The following ANKRD11 variants were observed in gnomAD, a reference collection of about 807,000 sequenced individuals.
ANKRD11 encodes the protein ankyrin repeat domain-containing protein 11.
ANKRD11 carries 17 observed loss-of-function variants against 195.7 expected under a neutral mutation model. That is an observed-to-expected ratio of 0.09 (90% CI 0.06 to 0.13). The LOEUF is 0.13. Among genes scored for constraint, ANKRD11 ranks in the 10% least tolerant of loss-of-function variants. The pLI is 1.00. For missense variants in ANKRD11, 3,735 were observed against 3,566.1 expected, an observed-to-expected ratio of 1.05 and a Z score of -1.21; for synonymous variants, 1,953 against 1,528.1, an observed-to-expected ratio of 1.28 and a Z score of -6.49.
rs748633060 is a variant in ANKRD11, at chr16:89,317,006, C to T, written c.14G>A (p.Gly5Glu). MPKG[G>E]CPKAPQQEEL... Reference sequence around the variant, plus strand: ...TTCCTGCTGTGGTGCTTTAGGGCACCCACCCTTGGGCATCGTCCTGCTCCT... The same window carrying T: ...TTCCTGCTGTGGTGCTTTAGGGCACTCACCCTTGGGCATCGTCCTGCTCCT... Residue 5 changes from glycine to glutamate, a missense_variant, in exon 3 of 13, where the codon GGG becomes GAG. Transcript: ENST00000301030. The T allele has an allele frequency of 2.5e-6, 4 of 1,613,628 alleles. No homozygotes were observed. The highest frequency in any genetic ancestry group is 3.4e-6 in the Non-Finnish European group (4 of 1,179,818).
intron 1 of ANKRD11, among the ~76,000 whole-genome samples, chr16:89,462,967 C>T (rs989643217): frequency 2.0e-5 from 3 of 151,176 alleles, no homozygotes; most frequent in Non-Finnish European, 4.4e-5. Flanking sequence ...TCAGCCCCCC[C>T]GCCAGGCCAG....
chr16:89,451,859 A>G (rs1327115316), intron 1 of ANKRD11, among the ~76,000 whole-genome samples: 1 of 152,222 alleles, frequency 6.6e-6, no homozygotes, highest in Non-Finnish European at 1.5e-5. Flanking sequence ...GTATAATTGT[A>G]CTTTGGTAAT....
At chr16:89,322,845 TTTTGTTTG>T (rs142804077) in intron 2 of ANKRD11, among the ~76,000 whole-genome samples, 6 of 152,180 alleles carry the variant, frequency 3.9e-5, no homozygotes, top group Non-Finnish European at 5.9e-5. Flanking sequence ...TGAAGAGTTC[TTTTGTTTG>T]TTTGTTTGTT....
At chr16:89,427,754 G>A (rs907524161) in intron 1 of ANKRD11, among the ~76,000 whole-genome samples, 14 of 151,580 alleles carry the variant, frequency 9.2e-5, no homozygotes, top group Admixed American at 3.9e-4. Flanking sequence ...AGCTGAGATC[G>A]TGCCACTACA....
At position 89,279,255 on chromosome 16, in the gene ANKRD11, G is replaced by A. The variant is rs751753158; in HGVS notation, c.7287C>T (p.Pro2429=). The stretch of plus-strand genomic sequence containing the variant: ...AGGGGTTGGCCCTGTCGCTGTGGTA[G>A]GGCTCGATGGCATCCAGCTTGATGG... ...VDAIKLDAIE[P]YHSDRANPYF... The change falls in exon 9 of 13, where the codon CCC becomes CCT. Residue 2429 remains proline (P), a synonymous_variant. Transcript: ENST00000301030. This position sits in a 1 kb window ranked among gnomAD's most constrained non-coding sequence, Gnocchi z 5.6. 1.9e-6 allele frequency: 3 copies of A among 1,611,782 alleles called. No individual in the cohort carries two copies. Among genetic ancestry groups the A allele is most frequent in the African/African-American group, 1.3e-5 (1 of 74,972 alleles).
At chr16:89,276,089 C>A (rs1003079226) in intron 9 of ANKRD11, among the ~76,000 whole-genome samples, 1 of 152,198 alleles carries the variant, frequency 6.6e-6, no homozygotes, top group East Asian at 1.9e-4. Flanking sequence ...GCTGGAACAT[C>A]GAGGGGCCAG....
chr16:89,282,595 C>T lies in ANKRD11; in HGVS notation c.3947G>A (p.Gly1316Glu). The T allele has an allele frequency of 6.2e-7, 1 of 1,614,168 alleles. No individual in the cohort carries two copies. Among genetic ancestry groups the T allele is most frequent in the Non-Finnish European group, 8.5e-7 (1 of 1,180,030 alleles). ...DSFTDRGQEP[G>E]LTAFLEVSFT... ...AGAGACCTCCAGGAAGGCAGTCAGC[C>T]CCGGCTCCTGCCCTCGGTCCGTGAA... The change falls in exon 9 of 13, where the codon GGG becomes GAG. Residue 1316 changes from glycine (G) to glutamate (E), a missense_variant. Transcript: ENST00000301030.
intron 2 of ANKRD11, among the ~76,000 whole-genome samples, chr16:89,368,900 A>G (rs2040070760): frequency 6.6e-6 from 1 of 152,166 alleles, no homozygotes; most frequent in Non-Finnish European, 1.5e-5. Flanking sequence ...CTCTGTTTCC[A>G]AAAATTTAAA....
At chr16:89,362,790 A>G (rs1055193282) in intron 2 of ANKRD11, among the ~76,000 whole-genome samples, 1 of 152,130 alleles carries the variant, frequency 6.6e-6, no homozygotes, top group African/African-American at 2.4e-5. Flanking sequence ...CCTCTTCCTT[A>G]GTTGAAGGTG....
At chr16:89,452,052 A>G (rs1031720727) in intron 1 of ANKRD11, among the ~76,000 whole-genome samples, 10 of 152,080 alleles carry the variant, frequency 6.6e-5, no homozygotes, top group African/African-American at 2.4e-4. Flanking sequence ...TGACCTCAGG[A>G]GTTCAAGACC....
intron 2 of ANKRD11, among the ~76,000 whole-genome samples, chr16:89,358,586 G>C (rs138342122): frequency 1.3e-5 from 2 of 152,276 alleles, no homozygotes; most frequent in East Asian, 3.9e-4. Context: ...ATTCATCTAT[G>C]TACTCACAAA....
In ANKRD11 at chr16:89,281,701, C is replaced by T. The variant is rs553093779; in HGVS notation, c.4841G>A (p.Arg1614Gln). 1.1e-5 allele frequency: 18 copies of T among 1,614,108 alleles called. No individual in the cohort carries two copies. The highest frequency in any genetic ancestry group is 1.7e-5 in the Admixed American group (1 of 60,024). ...CTCCTTGAGCTTGGGGTCTCCGGAC[C>T]GGTGCCTCAGCTTCTCCATTTGCTT... ...RMKQMEKLRH[R>Q]SGDPKLKEKA... The change falls in exon 9 of 13, where the codon CGG (arginine) becomes CAG (glutamine). Residue 1614 changes from arginine (R) to glutamine (Q), a missense_variant. Arg to Gln is a conservative substitution (Grantham distance 43). Coordinates refer to ENST00000301030, the MANE Select transcript of ANKRD11 (RefSeq NM_013275.6). This position sits in a 1 kb window ranked among gnomAD's most constrained non-coding sequence, Gnocchi z 5.5.
intron 2 of ANKRD11, among the ~76,000 whole-genome samples, chr16:89,354,312 C>A (rs1395176494): frequency 6.6e-6 from 1 of 151,648 alleles, no homozygotes. Context: ...GAAAAGCCTC[C>A]TTTTCCTTCT....
chr16:89,389,622 G>C (rs1308514192), intron 2 of ANKRD11, among the ~76,000 whole-genome samples: 1 of 152,202 alleles, frequency 6.6e-6, no homozygotes, highest in Non-Finnish European at 1.5e-5. Flanking sequence ...ATTCACAGAA[G>C]AACAGGCATT....
At chr16:89,366,126 T>G (rs1251563559) in intron 2 of ANKRD11, among the ~76,000 whole-genome samples, 1 of 103,868 alleles carries the variant, frequency 9.6e-6, no homozygotes, top group Non-Finnish European at 1.8e-5. Context: ...TGAGACTCCA[T>G]CTCAAAAAAA....
In ANKRD11 at chr16:89,280,431, G is replaced by C. The variant is rs376468392; in HGVS notation, c.6111C>G (p.Val2037=). ...CGGGGACGGCGTCCACTCCGTCCTT[G>C]ACGTCCTCCAGCCCCGGCTCAGCGA... is the stretch of plus-strand genomic sequence containing the variant. ...LPVAEPGLED[V]KDGVDAVPAA... Residue 2037 remains valine, a synonymous_variant, in exon 9 of 13, where the codon GTC becomes GTG. Coordinates refer to ENST00000301030, the MANE Select transcript of ANKRD11 (RefSeq NM_013275.6). The C allele has an allele frequency of 1.2e-4, 193 of 1,579,972 alleles. No homozygotes were observed. The African/African-American group carries it at 2.1e-3, about 17-fold the overall frequency.
chr16:89,368,141 T>G (rs1416966450), intron 2 of ANKRD11, among the ~76,000 whole-genome samples: 1 of 152,172 alleles, frequency 6.6e-6, no homozygotes, highest in Admixed American at 6.5e-5. Context: ...AAATAAGTCC[T>G]ACATCAAACC....
intron 12 of ANKRD11, among the ~76,000 whole-genome samples, chr16:89,268,879 T>C (rs553403498): frequency 2.9e-4 from 44 of 152,340 alleles, no homozygotes; most frequent in Non-Finnish European, 4.6e-4. Context: ...CCGCTGTCTA[T>C]GCCACCTCTA....
intron 1 of ANKRD11, among the ~76,000 whole-genome samples, chr16:89,477,241 G>GGA (rs1428478269): frequency 3.3e-5 from 5 of 149,774 alleles, no homozygotes; most frequent in African/African-American, 1.2e-4. Flanking sequence ...TGCCCAAGCT[G>GGA]GAGTGCAGTG....
Sources: allele counts gnomAD v4.1 joint callset (sites outside exome capture counted in the v4.1 genomes callset), GRCh38; gene constraint gnomAD v4.1.1; non-coding constraint Gnocchi (gnomAD v3.1); transcripts MANE v1.5; gene names NCBI Gene and HGNC (gene_info 2026-07-23, HGNC 2026-07-21).